Variants in GRXCR1 observed in about 807,000 individuals in gnomAD.
The protein encoded by GRXCR1 is glutaredoxin and cysteine rich domain containing 1.
GRXCR1 carries 27 observed loss-of-function variants against 27.3 expected under a neutral mutation model. The observed-to-expected ratio is 0.99, with a 90% CI of 0.73 to 1.37. The LOEUF (loss-of-function observed/expected upper bound fraction) is 1.37, where lower values mean the gene tolerates loss of function less well. Among genes scored for constraint, GRXCR1 ranks in the 40% most tolerant of loss-of-function variants. The pLI is 0.00. For missense variants in GRXCR1, 379 were observed against 354.4 expected, an observed-to-expected ratio of 1.07 and a Z score of -0.56; for synonymous variants, 122 against 131.1, an observed-to-expected ratio of 0.93 and a Z score of 0.47.
At chr4:43,023,655 GC>G (rs1195917854) in intron 3 of GRXCR1, among the ~76,000 whole-genome samples, 1 of 152,154 alleles carries the variant, frequency 6.6e-6, no homozygotes, top group Non-Finnish European at 1.5e-5. Context: ...TGAGATGTGA[GC>G]TCCATGTGAA....
intron 2 of GRXCR1, among the ~76,000 whole-genome samples, chr4:42,990,902 A>G (rs1334583544): frequency 6.6e-6 from 1 of 152,112 alleles, no homozygotes; most frequent in Non-Finnish European, 1.5e-5. Context: ...TTCCATTCAA[A>G]TATTCTGTAT....
At chr4:42,936,086 T>C (rs1052896847) in intron 1 of GRXCR1, among the ~76,000 whole-genome samples, 12 of 151,938 alleles carry the variant, frequency 7.9e-5, no homozygotes, top group African/African-American at 2.9e-4. Flanking sequence ...CTTGTAGTCC[T>C]GGCTTATGTT....
At chr4:42,939,696 A>C (rs931382946) in intron 1 of GRXCR1, among the ~76,000 whole-genome samples, 2 of 152,058 alleles carry the variant, frequency 1.3e-5, no homozygotes, top group Admixed American at 6.6e-5. Flanking sequence ...TCCTTCAGTT[A>C]CAATTCTTTA....
intron 1 of GRXCR1, among the ~76,000 whole-genome samples, chr4:42,918,411 C>T (rs1238167055): frequency 6.6e-6 from 1 of 152,014 alleles, no homozygotes; most frequent in East Asian, 1.9e-4. Context: ...TAAAGTTTGG[C>T]TTCATGGTAT....
chr4:42,990,319 G>A (rs1202835566), intron 2 of GRXCR1, among the ~76,000 whole-genome samples: 1 of 147,842 alleles, frequency 6.8e-6, no homozygotes, highest in Admixed American at 6.7e-5. Flanking sequence ...AGCCTCCCAA[G>A]TAGCTGGGAC....
At chr4:43,002,080 C>T (rs4123184) in intron 2 of GRXCR1, among the ~76,000 whole-genome samples, 80,820 of 141,768 alleles carry the variant, frequency 0.57, 21,791 homozygotes, top group East Asian at 0.66. Flanking sequence ...ATCTCAGAAT[C>T]GAACAAATGT....
chr4:43,015,703 C>A (rs1216363460), intron 2 of GRXCR1, among the ~76,000 whole-genome samples: 1 of 151,496 alleles, frequency 6.6e-6, no homozygotes, highest in Non-Finnish European at 1.5e-5. Flanking sequence ...TGTTATAGAT[C>A]TTTTATTGCA....
Position 42,893,580 on chromosome 4 carries a change from C to T in GRXCR1, c.314C>T (p.Thr105Ile). 6.2e-7 allele frequency: 1 copy of T among 1,613,630 alleles called. No homozygotes were observed. Among genetic ancestry groups the T allele is most frequent in the Non-Finnish European group, 8.5e-7 (1 of 1,179,692 alleles). Residue 105 changes from threonine to isoleucine, a missense_variant, in exon 1 of 4, where the codon ACA (threonine) becomes ATA (isoleucine). Transcript: ENST00000399770. ...GTCAACATTTTAAGCAAAAATGGCA[C>T]AGTCAGAGGCGTCAAATACAAAGTG... ...RRVNILSKNG[T>I]VRGVKYKVSA...
chr4:42,965,084 C>T (rs1031460623), intron 2 of GRXCR1, among the ~76,000 whole-genome samples: 15 of 152,072 alleles, frequency 9.9e-5, no homozygotes, highest in Admixed American at 2.6e-4. Context: ...TATCTTCTCA[C>T]TACTTCTGAG....
At chr4:42,914,506 A>G (rs367670170) in intron 1 of GRXCR1, among the ~76,000 whole-genome samples, 92 of 152,292 alleles carry the variant, frequency 6.0e-4, no homozygotes, top group Middle Eastern at 3.4e-3. Flanking sequence ...CTGTACCTTC[A>G]TTGTATCTGG....
chr4:42,919,243 G>T (rs1746953049), intron 1 of GRXCR1, among the ~76,000 whole-genome samples: 1 of 152,110 alleles, frequency 6.6e-6, no homozygotes, highest in African/African-American at 2.4e-5. Flanking sequence ...TTTCAGTTCA[G>T]CACTGTCTCT....
At chr4:42,899,110 A>G (rs555148048) in intron 1 of GRXCR1, among the ~76,000 whole-genome samples, 8 of 152,214 alleles carry the variant, frequency 5.3e-5, no homozygotes, top group Admixed American at 1.3e-4. Flanking sequence ...TAGGACCTCA[A>G]TAAATTTTCT....
intron 1 of GRXCR1, among the ~76,000 whole-genome samples, chr4:42,914,214 C>T (rs999459870): frequency 2.0e-5 from 3 of 152,202 alleles, no homozygotes; most frequent in African/African-American, 7.2e-5. Context: ...TGACATCTTA[C>T]ACCCTGCACC....
At chr4:43,014,258 A>G (rs955208895) in intron 2 of GRXCR1, among the ~76,000 whole-genome samples, 6 of 152,052 alleles carry the variant, frequency 3.9e-5, no homozygotes, top group African/African-American at 4.8e-5. Context: ...CAGGGACTCA[A>G]TGGGGTCTGG....
At chr4:43,030,099 G>A (rs1350664213) in intron 3 of GRXCR1, among the ~76,000 whole-genome samples, 1 of 152,144 alleles carries the variant, frequency 6.6e-6, no homozygotes, top group Non-Finnish European at 1.5e-5. Flanking sequence ...TTGAAGTTAT[G>A]TGCCCTTCAA....
intron 2 of GRXCR1, among the ~76,000 whole-genome samples, chr4:42,999,430 C>A (rs963442209): frequency 1.3e-5 from 2 of 152,246 alleles, no homozygotes; most frequent in African/African-American, 2.4e-5. Context: ...CACCACACAG[C>A]CTTAGTTGGT....
intron 2 of GRXCR1, among the ~76,000 whole-genome samples, chr4:42,982,569 C>T (rs1748701624): frequency 1.7e-5 from 2 of 120,670 alleles, no homozygotes; most frequent in Admixed American, 1.8e-4. Flanking sequence ...GGGTATATAC[C>T]CAGTAATGGG....
chr4:42,998,389 AATGT>A (rs1712243351), intron 2 of GRXCR1, among the ~76,000 whole-genome samples: 1 of 152,194 alleles, frequency 6.6e-6, no homozygotes, highest in South Asian at 2.1e-4. Context: ...TTCATGTACA[AATGT>A]TCCATGCACA....
At chr4:43,015,565 C>T (rs1017873129) in intron 2 of GRXCR1, among the ~76,000 whole-genome samples, 2 of 152,014 alleles carry the variant, frequency 1.3e-5, no homozygotes, top group African/African-American at 4.8e-5. Context: ...GACTACTGTG[C>T]TTAGAAAACT....
Sources: gnomAD v4.1 joint callset for allele counts (sites outside exome capture counted in the v4.1 genomes callset) on GRCh38, gnomAD v4.1.1 for gene constraint, MANE v1.5 for transcripts, NCBI Gene and HGNC (gene_info 2026-07-23, HGNC 2026-07-21) for gene names.